The following DMD variants were observed in gnomAD, a reference collection of about 807,000 sequenced individuals.
DMD encodes mutant dystrophin.
A neutral mutation model predicts 330.1 loss-of-function variants in DMD; 63 were observed. The observed-to-expected ratio is 0.19, with a 90% CI of 0.16 to 0.24. The LOEUF is 0.24. Among genes scored for constraint, DMD ranks in the 10% least tolerant of loss-of-function variants. DMD has a pLI of 1.00. For synonymous variants in DMD, 1,223 were observed against 959.8 expected, an observed-to-expected ratio of 1.27 and a Z score of -5.07; for missense variants, 3,344 against 2,684.1, an observed-to-expected ratio of 1.25 and a Z score of -5.43.
chrX:31,983,723 T>C (rs1432996974), intron 44 of DMD, among the ~76,000 whole-genome samples: 1 of 112,131 alleles, frequency 8.9e-6, no homozygotes, highest in African/African-American at 3.2e-5. Flanking sequence ...ACTAATACTA[T>C]GCCAAAGAAT....
At chrX:31,640,325 A>T (rs974196365) in intron 54 of DMD, among the ~76,000 whole-genome samples, 1 of 112,440 alleles carries the variant, frequency 8.9e-6, no homozygotes, top group Non-Finnish European at 1.9e-5. Context: ...AAAGGCAACA[A>T]ACACGCTGGA....
chrX:32,280,144 G>GTATATATATATATACAGTATA (rs1557261266), intron 43 of DMD, among the ~76,000 whole-genome samples: 6 of 46,158 alleles, frequency 1.3e-4, no homozygotes, highest in African/African-American at 4.4e-4. Context: ...TATATATACA[G>GTATATATATATATACAGTATA]TATATATATA....
chrX:32,799,450 G>A (rs975141044), intron 7 of DMD, among the ~76,000 whole-genome samples: 1 of 111,202 alleles, frequency 9.0e-6, no homozygotes. Flanking sequence ...AATGGAAATG[G>A]CTTTCTACAC....
intron 63 of DMD, among the ~76,000 whole-genome samples, chrX:31,243,315 A>G (rs2048534057): frequency 8.9e-6 from 1 of 112,096 alleles, no homozygotes; most frequent in Non-Finnish European, 1.9e-5. Context: ...GAGTTGGTAT[A>G]GAGAATAAAA....
At chrX:33,304,878 C>T (rs2053729919) in intron 1 of DMD, among the ~76,000 whole-genome samples, 1 of 104,261 alleles carries the variant, frequency 9.6e-6, no homozygotes, top group Admixed American at 1.0e-4. Flanking sequence ...TACCATCTCA[C>T]ACCAGTTAGA....
At chrX:31,926,425 C>T (rs1470317943) in intron 47 of DMD, among the ~76,000 whole-genome samples, 1 of 111,211 alleles carries the variant, frequency 9.0e-6, no homozygotes, top group Admixed American at 9.6e-5. Flanking sequence ...ACCTGTAATC[C>T]CCGCACTTTC....
intron 1 of DMD, among the ~76,000 whole-genome samples, chrX:33,153,406 G>A (rs1432376859): frequency 2.7e-5 from 3 of 112,071 alleles, no homozygotes; most frequent in Admixed American, 1.9e-4. Flanking sequence ...AGTGAAACTC[G>A]GTCTCAAAAC....
chrX:32,927,432 G>C (rs2089162950), intron 2 of DMD, among the ~76,000 whole-genome samples: 1 of 94,362 alleles, frequency 1.1e-5, no homozygotes, highest in Non-Finnish European at 2.0e-5. Flanking sequence ...ATGATGGCCA[G>C]ATCTCAGCTC....
At chrX:33,129,327 T>A (rs2095484382) in intron 1 of DMD, among the ~76,000 whole-genome samples, 1 of 66,692 alleles carries the variant, frequency 1.5e-5, no homozygotes, top group African/African-American at 6.2e-5. Context: ...AAGGTTTGCT[T>A]TTTTTTTTTT....
chrX:31,235,500 A>T (rs1190813659), intron 63 of DMD, among the ~76,000 whole-genome samples: 1 of 112,561 alleles, frequency 8.9e-6, no homozygotes, highest in Non-Finnish European at 1.9e-5. Flanking sequence ...AAAAAAGATG[A>T]GAAAAATGCA....
chrX:31,259,851 C>T (rs761015362), intron 63 of DMD, among the ~76,000 whole-genome samples: 1 of 110,938 alleles, frequency 9.0e-6, no homozygotes, highest in Non-Finnish European at 1.9e-5. Context: ...ACCCCACTTA[C>T]GTATACCTAC....
At chrX:31,476,324 G>A (rs1336872642) in intron 59 of DMD, among the ~76,000 whole-genome samples, 1 of 103,128 alleles carries the variant, frequency 9.7e-6, no homozygotes, top group African/African-American at 3.5e-5. Flanking sequence ...ATATCTATGT[G>A]TATATATATG....
chrX:31,687,601 A>G (rs999300382), intron 52 of DMD, among the ~76,000 whole-genome samples: 1 of 111,809 alleles, frequency 8.9e-6, no homozygotes, highest in Admixed American at 9.4e-5. Context: ...AAGAGCAGGG[A>G]GCACTTTATA....
intron 2 of DMD, among the ~76,000 whole-genome samples, chrX:32,928,727 C>G (rs986501782): frequency 1.8e-5 from 2 of 111,888 alleles, no homozygotes; most frequent in Non-Finnish European, 3.8e-5. Flanking sequence ...CAACTTTGAA[C>G]AAATTCACCT....
At chrX:33,332,868 A>G (rs1452575085) in intron 1 of DMD, among the ~76,000 whole-genome samples, 1 of 111,240 alleles carries the variant, frequency 9.0e-6, no homozygotes, top group Non-Finnish European at 1.9e-5. Flanking sequence ...AAGCAGTACT[A>G]TTTGCTCTAT....
intron 41 of DMD, among the ~76,000 whole-genome samples, chrX:32,314,385 C>A (rs2097575553): frequency 9.0e-6 from 1 of 111,270 alleles, no homozygotes; most frequent in African/African-American, 3.3e-5. Flanking sequence ...ACACCTTATA[C>A]AAAAATTAAC....
At chrX:32,312,599 C>A (rs1207974855) in intron 41 of DMD, among the ~76,000 whole-genome samples, 1 of 109,530 alleles carries the variant, frequency 9.1e-6, no homozygotes, top group African/African-American at 3.3e-5. Flanking sequence ...CAGAAAGGAA[C>A]GTTAAATAAA....
chrX:31,172,645 A>T (rs1025239943), intron 72 of DMD, among the ~76,000 whole-genome samples: 1 of 111,821 alleles, frequency 8.9e-6, no homozygotes, highest in African/African-American at 3.2e-5. Context: ...GTTATATTTC[A>T]CTGTTTTCCC....
At chrX:32,477,877 G>A (rs973099640) in intron 21 of DMD, among the ~76,000 whole-genome samples, 1 of 111,342 alleles carries the variant, frequency 9.0e-6, no homozygotes, top group Non-Finnish European at 1.9e-5. Context: ...CACTTGAAAC[G>A]TGGCCAGTTT....
Sources: allele counts gnomAD v4.1 joint callset (sites outside exome capture counted in the v4.1 genomes callset), GRCh38; gene constraint gnomAD v4.1.1; transcripts MANE v1.5; gene names NCBI Gene and HGNC (gene_info 2026-07-23, HGNC 2026-07-21).